SUN2: variants seen among roughly 807,000 people sequenced by gnomAD.
SUN2 encodes SUN domain-containing protein 2.
In SUN2, 60 loss-of-function variants were observed where a neutral mutation model predicts 100.0. That is an observed-to-expected ratio of 0.60 (90% CI 0.49 to 0.74). The LOEUF (loss-of-function observed/expected upper bound fraction) is 0.74, where lower values mean the gene tolerates loss of function less well. Ranked by LOEUF, SUN2 falls within the 30% of genes least tolerant of loss-of-function variation. The pLI, the probability that SUN2 is intolerant of heterozygous loss-of-function variation, is 0.00. For missense variants in SUN2, 834 were observed against 954.6 expected (o/e 0.87, Z 1.66); for synonymous variants, 367 against 403.3 (o/e 0.91, Z 1.08).
chr22:38,736,606 G>A (rs937316153), intron 17 of SUN2: 12 of 387,938 alleles, frequency 3.1e-5, no homozygotes, highest in Admixed American at 3.0e-4. Context: ...ATCTGAAACC[G>A]GAATGAATTC....
Position 38,736,000 on chromosome 22 carries a change from T to C in SUN2, c.*267A>G, listed in dbSNP as rs980928456. 5.1e-6 allele frequency: 2 copies of C among 389,346 alleles called. No individual in the cohort carries two copies. Among genetic ancestry groups the C allele is most frequent in the African/African-American group, 4.3e-5 (2 of 46,992 alleles). 24.1% of individuals were successfully genotyped at this position (389,346 alleles called of 1,614,324 possible). A position where few individuals can be genotyped will look rare whatever the true frequency, so the allele number is the denominator to read the frequency against. On this transcript the variant is annotated 3_prime_UTR_variant, in exon 18 of 18. Transcript: ENST00000689035. ...CCTCTCCCAACTTCCCAGTCCCCCA[T>C]GATATGCTACATATATACACACTCC...
Position 38,736,373 on chromosome 22 carries a change from G to T in SUN2, c.2048C>A (p.Thr683Lys), listed in dbSNP as rs375420471. The T allele has an allele frequency of 6.2e-7, 1 of 1,613,072 alleles. No individual in the cohort carries two copies. Among genetic ancestry groups the T allele is most frequent in the Non-Finnish European group, 8.5e-7 (1 of 1,179,368 alleles). Residue 683 changes from threonine (T) to lysine (K), a missense_variant, in exon 18 of 18, where the codon ACG (threonine) becomes AAG (lysine). Coordinates refer to ENST00000689035, the MANE Select transcript of SUN2 (RefSeq NM_015374.3). ...CTCCACCACCTGGTACGTGGCCATC[G>T]TAGGGGCCTGGGTAGAGAAGAAAGG... is the stretch of plus-strand genomic sequence containing the variant. ...PIQTFHFQAPTMATYQVVELR... is the reference protein window; with the variant it reads ...PIQTFHFQAPKMATYQVVELR...
Position 38,735,170 on chromosome 22 carries a change from C to T in SUN2, c.*1097G>A, listed in dbSNP as rs1354512291. Reference sequence around the variant, plus strand: ...AAGTCCCCTCCTCCCCCTTCCCTATCCAGGGTAACTTCTGCCAGCCTCTTC... The same window carrying T: ...AAGTCCCCTCCTCCCCCTTCCCTATTCAGGGTAACTTCTGCCAGCCTCTTC... On this transcript the variant is annotated 3_prime_UTR_variant, in exon 18 of 18. Transcript: ENST00000689035. The T allele has an allele frequency of 2.2e-6, 1 of 444,544 alleles. No homozygotes were observed. Among genetic ancestry groups the T allele is most frequent in the South Asian group, 1.6e-5 (1 of 63,076 alleles). The allele number at this position is 444,544 out of a possible 1,614,324, so 27.5% of individuals were successfully genotyped here.
At position 38,738,621 on chromosome 22, in the gene SUN2, G is replaced by C; in HGVS notation, c.1913C>G (p.Thr638Ser). Residue 638 changes from threonine (T) to serine (S), a missense_variant, in exon 16 of 18, where the codon ACT becomes AGT. Around this residue, in one of 3 missense-constraint regions of SUN2, gnomAD observed 195 missense variants for 280.2 expected, o/e 0.70. Transcript: ENST00000689035. This position sits in a 1 kb window ranked among gnomAD's most constrained non-coding sequence, Gnocchi z 6.6. ...HVPKALSPNS[T>S]ISSAPKDFAI... ...GAAGTCCTTGGGGGCACTGGAGATA[G>C]TGCTGTTGGGTGACAAGGCCTTGGG... 1.2e-6 allele frequency: 2 copies of C among 1,614,012 alleles called. No individual in the cohort carries two copies. Among genetic ancestry groups the C allele is most frequent in the Non-Finnish European group, 1.7e-6 (2 of 1,179,996 alleles).
Position 38,738,681 on chromosome 22 carries a change from C to T in SUN2, c.1853G>A (p.Arg618His), listed in dbSNP as rs756290355. 25 of 1,613,706 alleles carry T rather than the reference C, an allele frequency of 1.5e-5. No homozygotes were observed. The highest frequency in any genetic ancestry group is 1.4e-4 in the South Asian group (13 of 91,090). ...TAAGGTAACGGCTGTGGGGCGGATG[C>T]GGGCAGAGAGGCGGACCACGGCGAA... is the stretch of plus-strand genomic sequence containing the variant. ...QGFAVVRLSARIRPTAVTLEH... is the reference protein window; with the variant it reads ...QGFAVVRLSAHIRPTAVTLEH... Residue 618 changes from arginine (R) to histidine (H), a missense_variant, in exon 16 of 18, where the codon CGC becomes CAC. By Grantham distance (29) the Arg-to-His change is conservative. This residue lies in a region of SUN2 where 195 missense variants were observed against 280.2 expected (regional missense o/e 0.70). Coordinates refer to ENST00000689035, the MANE Select transcript of SUN2 (RefSeq NM_015374.3). The surrounding 1 kb of genome is among the most constrained non-coding windows in gnomAD (Gnocchi z 6.6).
At chr22:38,752,796 G>C in intron 1 of SUN2, 131 bp from the exon 2 acceptor site, 3 of 1,047,080 alleles carry the variant, frequency 2.9e-6, no homozygotes, top group Non-Finnish European at 4.0e-6. Context: ...GGCCCCCGGC[G>C]TTCAGTCTAA....
rs544718293 is a variant in SUN2, at chr22:38,741,592, G to A, written c.1069-21C>T. 23 of 1,609,548 alleles carry A rather than the reference G, an allele frequency of 1.4e-5. No individual in the cohort carries two copies. The African/African-American group carries it at 2.0e-4, about 14-fold the overall frequency. ...TCTTCCTGTGAGACGGGAGTGAGAGGACAGGTTGGACAGAGCCATGCTTAT... is the reference window on the plus strand; with the variant it reads ...TCTTCCTGTGAGACGGGAGTGAGAGAACAGGTTGGACAGAGCCATGCTTAT... On this transcript the variant is annotated intron_variant, in intron 9 of 17. Transcript: ENST00000689035.
Position 38,739,738 on chromosome 22 carries a change from A to G in SUN2, c.1562T>C (p.Ile521Thr). Residue 521 changes from isoleucine (I) to threonine (T), a missense_variant, in exon 13 of 18, where the codon ATT (isoleucine) becomes ACT (threonine). By Grantham distance (89) the Ile-to-Thr change is moderately conservative. Transcript: ENST00000689035. The surrounding 1 kb of genome is among the most constrained non-coding windows in gnomAD (Gnocchi z 6.7). ...LSLTLQKEGVIGVTEEQVHHI... is the reference protein window; with the variant it reads ...LSLTLQKEGVTGVTEEQVHHI... Reference sequence around the variant, plus strand: ...GGGCCTCACCTCCTCTGTCACTCCAATCACACCTTCTTTCTGCAGCGTCAG... The same window carrying G: ...GGGCCTCACCTCCTCTGTCACTCCAGTCACACCTTCTTTCTGCAGCGTCAG... The G allele has an allele frequency of 1.2e-6, 2 of 1,613,628 alleles. No homozygotes were observed. Among genetic ancestry groups the G allele is most frequent in the Non-Finnish European group, 1.7e-6 (2 of 1,179,992 alleles).
chr22:38,738,625 T>C lies in SUN2; in HGVS notation c.1909A>G (p.Ser637Gly). ...EHVPKALSPN[S>G]TISSAPKDFA... is the part of the protein sequence containing the mutation. ...TCCTTGGGGGCACTGGAGATAGTGC[T>C]GTTGGGTGACAAGGCCTTGGGCACA... Residue 637 changes from serine (S) to glycine (G), a missense_variant, in exon 16 of 18, where the codon AGC becomes GGC. Coordinates refer to ENST00000689035, the MANE Select transcript of SUN2 (RefSeq NM_015374.3). This position sits in a 1 kb window ranked among gnomAD's most constrained non-coding sequence, Gnocchi z 6.6. 1 of 1,613,982 alleles carries C rather than the reference T, an allele frequency of 6.2e-7. No individual in the cohort carries two copies. The highest frequency in any genetic ancestry group is 8.5e-7 in the Non-Finnish European group (1 of 1,179,998).
At position 38,755,335 on chromosome 22, in the gene SUN2, CTTTGTTTTGT is replaced by C; in HGVS notation, c.-38+418_-38+427del. 9.1e-7 allele frequency: 1 copy of C among 1,095,652 alleles called. No individual in the cohort carries two copies. The highest frequency in any genetic ancestry group is 1.1e-6 in the Non-Finnish European group (1 of 893,962). 67.9% of individuals were successfully genotyped at this position (1,095,652 alleles called of 1,614,324 possible). On this transcript the variant is annotated intron_variant, in intron 1 of 17. Coordinates refer to ENST00000689035, the MANE Select transcript of SUN2 (RefSeq NM_015374.3). The surrounding 1 kb of genome is among the most constrained non-coding windows in gnomAD (Gnocchi z 5.7). ...CTAAGTCACACCGCGCCCCCCATTG[CTTTGTTTTGT>C]TTTGTTTTAGAACTGAACAAAACGG...
At position 38,748,773 on chromosome 22, in the gene SUN2, A is replaced by G. The variant is rs1276541863; in HGVS notation, c.625T>C (p.Ser209Pro). ...AGGAACCAGAGGAACGTCTTCAGGG[A>G]CGAGAAGCGCCTGGACCACGCGGGA... ...DVFVLTRRFS[S>P]LKTFLWFLLP... The change falls in exon 7 of 18, where the codon TCC (serine) becomes CCC (proline). Residue 209 changes from serine (S) to proline (P), a missense_variant. Physicochemically the swap from Ser to Pro is moderately conservative, Grantham distance 74 (BLOSUM62 -1). Coordinates refer to ENST00000689035, the MANE Select transcript of SUN2 (RefSeq NM_015374.3). 1.9e-6 allele frequency: 3 copies of G among 1,614,194 alleles called. No individual in the cohort carries two copies. Among genetic ancestry groups the G allele is most frequent in the Non-Finnish European group, 2.5e-6 (3 of 1,180,026 alleles).
chr22:38,752,407 C>T, intron 2 of SUN2, 100 bp downstream of exon 2: 2 of 1,460,674 alleles, frequency 1.4e-6, no homozygotes, highest in Non-Finnish European at 1.9e-6. Flanking sequence ...CCCAAGGTTG[C>T]AACAAGAAGG....
Position 38,741,597 on chromosome 22 carries a change from G to T in SUN2, c.1069-26C>A, listed in dbSNP as rs1445198396. The T allele has an allele frequency of 3.1e-6, 5 of 1,608,626 alleles. No individual in the cohort carries two copies. In the African/African-American group the frequency reaches 4.0e-5, roughly 13 times the overall value. On this transcript the variant is annotated intron_variant, in intron 9 of 17. Coordinates refer to ENST00000689035, the MANE Select transcript of SUN2 (RefSeq NM_015374.3). ...CTGTGAGACGGGAGTGAGAGGACAG[G>T]TTGGACAGAGCCATGCTTATAGGGA...
chr22:38,745,924 G>T, intron 7 of SUN2, 113 bp from the exon 8 acceptor site: 3 of 1,465,726 alleles, frequency 2.0e-6, no homozygotes, highest in African/African-American at 2.8e-5. Flanking sequence ...CACTCGTGGA[G>T]CTGTGCCCTT....
At chr22:38,743,751 C>T (rs1375956145) in intron 8 of SUN2, 1 of 152,042 alleles carries the variant, frequency 6.6e-6, no homozygotes, top group African/African-American at 2.4e-5. Context: ...TTAACTTACC[C>T]TTTTTTACAA....
intron 5 of SUN2, among the ~76,000 whole-genome samples, 170 bp downstream of exon 5, chr22:38,750,055 C>T (rs568085733): frequency 6.6e-6 from 1 of 151,944 alleles, no homozygotes; most frequent in South Asian, 2.1e-4. Flanking sequence ...TCCTTCCCTT[C>T]CACGCAAGGG....
chr22:38,745,625 C>T, intron 8 of SUN2, 59 bp downstream of exon 8: 1 of 1,597,706 alleles, frequency 6.3e-7, no homozygotes, highest in Non-Finnish European at 8.5e-7. Flanking sequence ...GCACCCACCA[C>T]TTTCACCGTC....
intron 17 of SUN2, chr22:38,736,626 C>A (rs578107992): frequency 2.8e-6 from 1 of 354,910 alleles, no homozygotes; most frequent in Non-Finnish European, 5.1e-6. Context: ...CATCCACAAT[C>A]GTTTTTTTAT....
rs375519257 is a variant in SUN2 at position 38,752,655 on chromosome 22, C to G, written c.-27G>C. On this transcript the variant is annotated 5_prime_UTR_variant, in exon 2 of 18. Transcript: ENST00000689035. Reference sequence around the variant, plus strand: ...ATGAGGTGGGATGTGGACTCTTCCCCTGAAGAGAATCTAAGGAGAGAGAGG... The same window carrying G: ...ATGAGGTGGGATGTGGACTCTTCCCGTGAAGAGAATCTAAGGAGAGAGAGG... The G allele has an allele frequency of 3.0e-5, 48 of 1,611,436 alleles. No individual in the cohort carries two copies. The highest frequency in any genetic ancestry group is 5.3e-5 in the African/African-American group (4 of 74,922).
Sources: gnomAD v4.1 joint callset for allele counts (sites outside exome capture counted in the v4.1 genomes callset) on GRCh38, gnomAD v4.1.1 for gene constraint, gnomAD v4.1.1 regional missense constraint, Gnocchi (gnomAD v3.1) non-coding constraint, MANE v1.5 for transcripts, NCBI Gene and HGNC (gene_info 2026-07-23, HGNC 2026-07-21) for gene names.